Variants in PALLD observed in about 807,000 individuals in gnomAD.
PALLD encodes the protein palladin.
PALLD carries 61 observed loss-of-function variants against 123.5 expected under a neutral mutation model. The observed-to-expected ratio is 0.49, with a 90% CI of 0.40 to 0.61. The LOEUF (loss-of-function observed/expected upper bound fraction) is 0.61. PALLD is among the 20% of genes least tolerant of loss of function. PALLD has a pLI of 0.00. For synonymous variants in PALLD, 465 were observed against 496.4 expected, an observed-to-expected ratio of 0.94 and a Z score of 0.84; for missense variants, 1,273 against 1,377.0, an observed-to-expected ratio of 0.92 and a Z score of 1.20.
chr4:168,748,538 C>T (rs777769494), intron 10 of PALLD, among the ~76,000 whole-genome samples: 2 of 152,058 alleles, frequency 1.3e-5, no homozygotes, highest in Non-Finnish European at 2.9e-5. Flanking sequence ...CTTAAAACAC[C>T]CCACATTTAA....
intron 8 of PALLD, among the ~76,000 whole-genome samples, chr4:168,705,994 C>CT (rs1784191533): frequency 1.3e-5 from 2 of 152,158 alleles, no homozygotes; most frequent in African/African-American, 2.4e-5. Context: ...TTGCCCTTTA[C>CT]TTTTTTTATT....
chr4:168,885,317 G>GT (rs2151162527), intron 10 of PALLD: 1 of 152,310 alleles, frequency 6.6e-6, no homozygotes, highest in South Asian at 2.1e-4. Flanking sequence ...CCTTTAGGAT[G>GT]TGGGGGGGTC....
intron 12 of PALLD, among the ~76,000 whole-genome samples, chr4:168,895,725 T>C (rs929833280): frequency 6.6e-6 from 1 of 152,200 alleles, no homozygotes; most frequent in African/African-American, 2.4e-5. Context: ...AGAAAATCCA[T>C]ATATAAGTGG....
chr4:168,726,627 C>CTAGCCT (rs1388450376), intron 10 of PALLD, among the ~76,000 whole-genome samples: 1 of 152,096 alleles, frequency 6.6e-6, no homozygotes, highest in Non-Finnish European at 1.5e-5. Flanking sequence ...AAGCGATCCT[C>CTAGCCT]TAGCCTTAGC....
chr4:168,709,081 T>C lies in PALLD; in HGVS notation c.1555T>C (p.Phe519Leu). The C allele has an allele frequency of 6.2e-7, 1 of 1,613,080 alleles. No homozygotes were observed. The highest frequency in any genetic ancestry group is 1.3e-5 in the African/African-American group (1 of 75,014). ...GACTTTCCCTGAAGATGCAGGGATC[T>C]TTACATGTTCAGCAAGAAATGATTA... Reference protein sequence around the residue: ...AETFPEDAGIFTCSARNDYGS... With the variant: ...AETFPEDAGILTCSARNDYGS... The change falls in exon 9 of 22, where the codon TTT becomes CTT. Residue 519 changes from phenylalanine to leucine, a missense_variant. Physicochemically the swap from Phe to Leu is conservative, Grantham distance 22. Around this residue, in one of 2 missense-constraint regions of PALLD, gnomAD observed 944 missense variants for 954.5 expected, o/e 0.99. Transcript: ENST00000505667.
At chr4:168,812,102 G>A (rs896160328) in intron 10 of PALLD, among the ~76,000 whole-genome samples, 1 of 152,030 alleles carries the variant, frequency 6.6e-6, no homozygotes, top group African/African-American at 2.4e-5. Flanking sequence ...AGGTGAGAGT[G>A]GTTATGATGA....
At chr4:168,884,143 C>T (rs1753017688) in intron 10 of PALLD, among the ~76,000 whole-genome samples, 1 of 152,136 alleles carries the variant, frequency 6.6e-6, no homozygotes, top group African/African-American at 2.4e-5. Context: ...CTTATAACTG[C>T]TTTTCTTTCC....
At chr4:168,545,884 C>T (rs901120939) in intron 2 of PALLD, among the ~76,000 whole-genome samples, 2 of 152,102 alleles carry the variant, frequency 1.3e-5, no homozygotes, top group African/African-American at 4.8e-5. Flanking sequence ...GGAATGATCC[C>T]TTATGCAGCA....
intron 10 of PALLD, among the ~76,000 whole-genome samples, chr4:168,872,464 T>C (rs542217028): frequency 6.6e-6 from 1 of 152,342 alleles, no homozygotes; most frequent in South Asian, 2.1e-4. Flanking sequence ...AAGAAACCTA[T>C]GTCCTTTTGC....
intron 2 of PALLD, among the ~76,000 whole-genome samples, chr4:168,528,633 A>G (rs543859842): frequency 2.2e-4 from 33 of 152,188 alleles, no homozygotes; most frequent in African/African-American, 8.0e-4. Context: ...CTATCCAAAG[A>G]CATAACGTGA....
chr4:168,833,769 T>C (rs956182656), intron 10 of PALLD, among the ~76,000 whole-genome samples: 9 of 151,248 alleles, frequency 6.0e-5, no homozygotes, highest in Non-Finnish European at 1.5e-5. Flanking sequence ...ACAATTTTTT[T>C]CCCCCTTCAG....
intron 10 of PALLD, among the ~76,000 whole-genome samples, chr4:168,791,093 C>A (rs1415901123): frequency 6.6e-6 from 1 of 152,116 alleles, no homozygotes; most frequent in Non-Finnish European, 1.5e-5. Context: ...ATGCCCAAAG[C>A]AGTCTACACC....
At position 168,512,359 on chromosome 4, in the gene PALLD, G is replaced by C. The variant is rs773015974; in HGVS notation, c.855G>C (p.Gly285=). ...QKLRSQEVAE[G]SRVYLECRVT... ...TGAGGAGCCAAGAAGTAGCAGAAGGGAGCCGAGTTTATCTGGAGTGTAGAG... is the reference window on the plus strand; with the variant it reads ...TGAGGAGCCAAGAAGTAGCAGAAGGCAGCCGAGTTTATCTGGAGTGTAGAG... Residue 285 remains glycine (G), a synonymous_variant, in exon 2 of 22, where the codon GGG becomes GGC. Coordinates refer to ENST00000505667, the MANE Select transcript of PALLD (RefSeq NM_001166108.2). 44 of 1,613,908 alleles carry C rather than the reference G, an allele frequency of 2.7e-5. No homozygotes were observed. The highest frequency in any genetic ancestry group is 2.5e-6 in the Non-Finnish European group (3 of 1,180,046).
intron 1 of PALLD, among the ~76,000 whole-genome samples, chr4:168,498,571 T>C (rs1374951611): frequency 6.6e-6 from 1 of 152,122 alleles, no homozygotes; most frequent in Non-Finnish European, 1.5e-5. Context: ...AAACAATATG[T>C]GTGTGGAGGC....
At chr4:168,785,844 G>GATATATATATATATATATATATATATAT (rs1230880749) in intron 10 of PALLD, among the ~76,000 whole-genome samples, 8 of 53,186 alleles carry the variant, frequency 1.5e-4, no homozygotes, top group Admixed American at 2.0e-4. Flanking sequence ...ATAAACTGTA[G>GATATATATATATATATATATATATATAT]AGATATATAT....
intron 10 of PALLD, among the ~76,000 whole-genome samples, chr4:168,744,695 C>T (rs1788685453): frequency 6.6e-6 from 1 of 152,132 alleles, no homozygotes; most frequent in Non-Finnish European, 1.5e-5. Flanking sequence ...TATGAAGTTT[C>T]AACTTTATGA....
At chr4:168,563,396 A>G (rs572078673) in intron 2 of PALLD, among the ~76,000 whole-genome samples, 1 of 152,352 alleles carries the variant, frequency 6.6e-6, no homozygotes, top group South Asian at 2.1e-4. Context: ...CACATAGACC[A>G]TAACCAGAAA....
intron 2 of PALLD, among the ~76,000 whole-genome samples, chr4:168,513,946 A>G (rs1762760956): frequency 6.6e-6 from 1 of 152,072 alleles, no homozygotes; most frequent in Non-Finnish European, 1.5e-5. Flanking sequence ...CTCTACTAAA[A>G]ATACAAAAAA....
intron 10 of PALLD, among the ~76,000 whole-genome samples, chr4:168,890,550 C>T (rs891667589): frequency 2.6e-5 from 4 of 151,854 alleles, no homozygotes; most frequent in Non-Finnish European, 5.9e-5. Flanking sequence ...TAAAACTTGC[C>T]CAAGGTCACA....
Sources: allele counts gnomAD v4.1 joint callset (sites outside exome capture counted in the v4.1 genomes callset), GRCh38; gene constraint gnomAD v4.1.1; regional missense constraint gnomAD v4.1.1; transcripts MANE v1.5; gene names NCBI Gene and HGNC (gene_info 2026-07-23, HGNC 2026-07-21).